The following PLCG2 variants were observed in gnomAD, a reference collection of about 807,000 sequenced individuals.
PLCG2 encodes phospholipase C gamma 2.
Under a neutral mutation model 175.6 loss-of-function variants are expected in PLCG2, and 69 were observed. That is an observed-to-expected ratio of 0.39 (90% CI 0.32 to 0.48). The LOEUF (loss-of-function observed/expected upper bound fraction) is 0.48. PLCG2 is among the 20% of genes least tolerant of loss of function. The pLI is 0.91. For missense variants in PLCG2, 1,798 were observed against 1,650.9 expected (o/e 1.09, Z -1.54); for synonymous variants, 827 against 624.0 (o/e 1.33, Z -4.85).
intron 2 of PLCG2, among the ~76,000 whole-genome samples, chr16:81,789,725 C>T (rs7196831): frequency 0.28 from 43,000 of 151,760 alleles, 6,820 homozygotes; most frequent in East Asian, 0.68. Context: ...GGTCTGGTAA[C>T]TAGGCAGGTT....
At chr16:81,782,461 C>T (rs1381387631) in intron 1 of PLCG2, among the ~76,000 whole-genome samples, 2 of 152,134 alleles carry the variant, frequency 1.3e-5, no homozygotes, top group African/African-American at 4.8e-5. Flanking sequence ...GTGCTCTCTC[C>T]TGGGCTCAAG....
At chr16:81,941,463 C>G (rs577950569) in intron 30 of PLCG2, among the ~76,000 whole-genome samples, 3 of 152,128 alleles carry the variant, frequency 2.0e-5, no homozygotes, top group Admixed American at 6.5e-5. Flanking sequence ...TTTGACAGAA[C>G]CAAACTATGT....
chr16:81,808,481 T>TTTTTA (rs534581346), intron 2 of PLCG2, among the ~76,000 whole-genome samples: 115 of 152,160 alleles, frequency 7.6e-4, no homozygotes, highest in African/African-American at 1.8e-3. Flanking sequence ...CTGTGCAATC[T>TTTTTA]TTTTATTTTA....
intron 2 of PLCG2, among the ~76,000 whole-genome samples, chr16:81,817,751 A>G (rs1904614769): frequency 6.6e-6 from 1 of 152,170 alleles, no homozygotes; most frequent in South Asian, 2.1e-4. Flanking sequence ...CCTCTCAGAG[A>G]GCTGGGGTTA....
intron 19 of PLCG2, among the ~76,000 whole-genome samples, chr16:81,913,707 G>A (rs964753218): frequency 3.9e-5 from 6 of 152,212 alleles, no homozygotes; most frequent in African/African-American, 1.4e-4. Flanking sequence ...ACATGGGCGC[G>A]GTGGTGCTGG....
At chr16:81,808,221 T>C (rs1480695803) in intron 2 of PLCG2, among the ~76,000 whole-genome samples, 1 of 152,214 alleles carries the variant, frequency 6.6e-6, no homozygotes, top group East Asian at 1.9e-4. Flanking sequence ...ATTTAACCTT[T>C]TGAGGCACCA....
At chr16:81,827,204 G>T (rs77962701) in intron 2 of PLCG2, among the ~76,000 whole-genome samples, 4,444 of 122,278 alleles carry the variant, frequency 0.036, 99 homozygotes, top group Middle Eastern at 0.058. Flanking sequence ...TTTTTTTTTT[G>T]GGGACAGGGT....
intron 7 of PLCG2, among the ~76,000 whole-genome samples, chr16:81,872,656 C>T (rs1907573869): frequency 6.6e-6 from 1 of 152,228 alleles, no homozygotes; most frequent in Non-Finnish European, 1.5e-5. Flanking sequence ...TTGTTGCTGT[C>T]AGGAAAGGGC....
rs543075429 is a variant in PLCG2, at chr16:81,801,302, A to G, written c.193+15120A>G. ...TTCCCTCCCTAGAGAAATCAGTATC[A>G]TGATTTAATAATTATAATTCCCATT... On this transcript the variant is annotated intron_variant, in intron 2 of 32. Coordinates refer to ENST00000564138, the MANE Select transcript of PLCG2 (RefSeq NM_002661.5). Among the ~76,000 whole-genome samples, 6 of 152,328 alleles carry G rather than the reference A, an allele frequency of 3.9e-5. No individual in the cohort carries two copies. In the East Asian group the frequency reaches 1.2e-3, roughly 29 times the overall value.
intron 7 of PLCG2, among the ~76,000 whole-genome samples, chr16:81,878,291 C>G (rs1420174413): frequency 6.6e-6 from 1 of 151,996 alleles, no homozygotes; most frequent in Non-Finnish European, 1.5e-5. Context: ...GCCCAAATCT[C>G]CCTCTTTTAA....
In PLCG2 at chr16:81,756,776, G is replaced by A. The variant is rs548821020; in HGVS notation, c.-48+810G>A. Among the ~76,000 whole-genome samples, 10 of 152,340 alleles carry A rather than the reference G, an allele frequency of 6.6e-5. No individual in the cohort carries two copies. The South Asian group carries it at 2.1e-3, about 32-fold the overall frequency. On this transcript the variant is annotated intron_variant, in intron 2 of 5. Coordinates refer to the PLCG2 transcript ENST00000565054. ...TTGCCCAAACAACAAAGCTGCGTTT[G>A]AGCCTAGATGTGTCTACTGCACAGC...
intron 5 of PLCG2, among the ~76,000 whole-genome samples, chr16:81,865,596 C>G (rs1385893941): frequency 1.3e-5 from 2 of 152,196 alleles, no homozygotes; most frequent in African/African-American, 4.8e-5. Context: ...CTCAGTCTCT[C>G]TGTTCCTGGA....
intron 32 of PLCG2, among the ~76,000 whole-genome samples, chr16:81,957,337 C>G (rs1911615993): frequency 1.3e-5 from 2 of 152,134 alleles, no homozygotes; most frequent in Admixed American, 1.3e-4. Flanking sequence ...TCCTTTGGCA[C>G]CCTTGACTCT....
At chr16:81,895,047 A>G (rs1366278028) in intron 12 of PLCG2, among the ~76,000 whole-genome samples, 1 of 152,216 alleles carries the variant, frequency 6.6e-6, no homozygotes, top group Non-Finnish European at 1.5e-5. Flanking sequence ...CAAATGTTTA[A>G]AAGTAAAGCT....
chr16:81,801,011 A>G (rs1311652086), intron 2 of PLCG2, among the ~76,000 whole-genome samples: 1 of 151,718 alleles, frequency 6.6e-6, no homozygotes, highest in Non-Finnish European at 1.5e-5. Context: ...AGGCAAAGGA[A>G]CTCATTCTCC....
intron 30 of PLCG2, among the ~76,000 whole-genome samples, chr16:81,944,708 T>A (rs192827728): frequency 1.5e-3 from 229 of 152,280 alleles, no homozygotes; most frequent in African/African-American, 5.3e-3. Flanking sequence ...ATTCCTGGCT[T>A]CAAGTGATCC....
chr16:81,771,632 C>G (rs988777904), intron 2 of PLCG2, among the ~76,000 whole-genome samples: 3 of 152,114 alleles, frequency 2.0e-5, no homozygotes, highest in East Asian at 1.9e-4. Context: ...TAGGTCTAAT[C>G]TATTTGCCTA....
Position 81,933,726 on chromosome 16 carries a change from C to T in PLCG2, c.2740-703C>T, listed in dbSNP as rs541682193. On this transcript the variant is annotated intron_variant, in intron 25 of 32. Coordinates refer to ENST00000564138, the MANE Select transcript of PLCG2 (RefSeq NM_002661.5). ...TGTGACGGCTAGAGCTAAGCACCCC[C>T]CAAACAGTCACCATTATTATCTAAA... 1.5e-3 allele frequency among the ~76,000 whole-genome samples: 232 copies of T among 152,302 alleles called. 3 individuals are homozygous for T. Among genetic ancestry groups the T allele is most frequent in the African/African-American group, 5.2e-3 (217 of 41,570 alleles).
At chr16:81,913,515 C>T (rs1219513832) in intron 19 of PLCG2, among the ~76,000 whole-genome samples, 2 of 152,238 alleles carry the variant, frequency 1.3e-5, no homozygotes, top group East Asian at 3.9e-4. Flanking sequence ...GCCTGTCCGT[C>T]TCCAAAGCCT....
Sources: allele counts gnomAD v4.1 joint callset (sites outside exome capture counted in the v4.1 genomes callset), GRCh38; gene constraint gnomAD v4.1.1; transcripts MANE v1.5; gene names NCBI Gene and HGNC (gene_info 2026-07-23, HGNC 2026-07-21).